PIP4P1: variants seen among roughly 807,000 people sequenced by gnomAD.
The protein encoded by PIP4P1 is phosphatidylinositol-4,5-bisphosphate 4-phosphatase 1.
A neutral mutation model predicts 32.3 loss-of-function variants in PIP4P1; 14 were observed. The ratio of observed to expected loss-of-function variants is 0.43; its 90% confidence interval spans 0.29 to 0.68. The LOEUF is 0.68. Among genes scored for constraint, PIP4P1 ranks in the 30% least tolerant of loss-of-function variants. PIP4P1 has a pLI of 0.15. For synonymous variants in PIP4P1, 132 were observed against 137.9 expected (o/e 0.96, Z 0.30); for missense variants, 289 against 364.5 (o/e 0.79, Z 1.69).
chr14:20,461,390 A>AGCCACCGCCACCGCC lies in PIP4P1; in HGVS notation c.-80_-66dup, dbSNP rs918301612. On this transcript the variant is annotated 5_prime_UTR_variant, in exon 1 of 7. Coordinates refer to ENST00000250489, the MANE Select transcript of PIP4P1 (RefSeq NM_144568.4). ...CTCCCTTCGCCTCTGCCGTCGCCGC[A>AGCCACCGCCACCGCC]GCCACCGCCACCGCCGCCACCGCCA... is the stretch of plus-strand genomic sequence containing the variant. 2.1e-4 allele frequency: 262 copies of AGCCACCGCCACCGCC among 1,233,700 alleles called. No homozygotes were observed. The highest frequency in any genetic ancestry group is 3.9e-4 in the African/African-American group (25 of 64,214). The allele number at this position is 1,233,700 out of a possible 1,614,324, so 76.4% of individuals were successfully genotyped here. A position where few individuals can be genotyped will look rare whatever the true frequency, so the allele number is the denominator to read the frequency against.
rs756112519 is a variant in PIP4P1 at position 20,461,272 on chromosome 14, G to A, written c.54C>T (p.Gly18=). The A allele has an allele frequency of 4.7e-6, 6 of 1,284,518 alleles. No homozygotes were observed. Among genetic ancestry groups the A allele is most frequent in the Non-Finnish European group, 5.9e-6 (6 of 1,012,510 alleles). 79.6% of individuals were successfully genotyped at this position (1,284,518 alleles called of 1,614,324 possible). A position where few individuals can be genotyped will look rare whatever the true frequency, so the allele number is the denominator to read the frequency against. ...GCCCCACTAAACCGTTGCCGCCCGC[G>A]CCACCGTCGATGGGCTCAGACAGCA... ...SPLLSEPIDG[G]AGGNGLVGPG... is the part of the protein sequence containing the mutation. Residue 18 remains glycine, a synonymous_variant, in exon 1 of 7, where the codon GGC becomes GGT. Coordinates refer to ENST00000250489, the MANE Select transcript of PIP4P1 (RefSeq NM_144568.4).
At chr14:20,461,004 C>G (rs1440290130) in intron 1 of PIP4P1, 159 bp from the exon 2 acceptor site, 3 of 1,253,694 alleles carry the variant, frequency 2.4e-6, no homozygotes, top group Middle Eastern at 2.9e-4. Flanking sequence ...CCTTCCGTCC[C>G]TAGGCTGTGG....
rs146270743 is a variant in PIP4P1 at position 20,459,750 on chromosome 14, G to C, written c.441-17C>G. ...ATTCTTTTGCTATACAAAAGAAAAA[G>C]ACTTGTATTTTCAAACTTGTGTTTG... On this transcript the variant is annotated splice_polypyrimidine_tract_variant and intron_variant, in intron 3 of 6. Coordinates refer to ENST00000250489, the MANE Select transcript of PIP4P1 (RefSeq NM_144568.4). 21 of 1,602,576 alleles carry C rather than the reference G, an allele frequency of 1.3e-5. No individual in the cohort carries two copies. Among genetic ancestry groups the C allele is most frequent in the Middle Eastern group, 1.7e-4 (1 of 6,022 alleles).
chr14:20,459,896 G>A (rs1407033847), intron 3 of PIP4P1, 163 bp from the exon 4 acceptor site: 5 of 635,292 alleles, frequency 7.9e-6, no homozygotes, highest in African/African-American at 1.8e-5. Flanking sequence ...ATACCCTCAA[G>A]AATCCTTGAG....
chr14:20,459,404 G>A lies in PIP4P1; in HGVS notation c.583C>T (p.Pro195Ser), dbSNP rs1472067050. ...ATCACTTACACTTTCCTGCAGTGAG[G>A]ACAACGTGCCAAAGTGCGGTCTGTG... is the stretch of plus-strand genomic sequence containing the variant. ...EFTDRTLARC[P>S]HCRKVSSIGR... Residue 195 changes from proline (P) to serine (S), a missense_variant, in exon 5 of 7, where the codon CCT (proline) becomes TCT (serine). Pro to Ser is a moderately conservative substitution (Grantham distance 74). This residue lies in a region of PIP4P1 where 181 missense variants were observed against 263.3 expected (regional missense o/e 0.69). Coordinates refer to ENST00000250489, the MANE Select transcript of PIP4P1 (RefSeq NM_144568.4). The A allele has an allele frequency of 6.2e-7, 1 of 1,614,030 alleles. No individual in the cohort carries two copies. The highest frequency in any genetic ancestry group is 8.5e-7 in the Non-Finnish European group (1 of 1,180,028).
chr14:20,461,019 G>A, intron 1 of PIP4P1, 165 bp downstream of exon 1: 1 of 1,252,252 alleles, frequency 8.0e-7, no homozygotes, highest in South Asian at 2.3e-5. Flanking sequence ...CTGTGGTCGC[G>A]ATTACGGAGG....
chr14:20,457,761 A>G lies in PIP4P1; in HGVS notation c.*798T>C. The G allele has an allele frequency of 1.8e-6, 1 of 547,162 alleles. No individual in the cohort carries two copies. The allele number at this position is 547,162 out of a possible 1,614,324, so 33.9% of individuals were successfully genotyped here. A position where few individuals can be genotyped will look rare whatever the true frequency, so the allele number is the denominator to read the frequency against. ...TATCCACATGAAAATAAAGAGCCAT[A>G]GTTTCAGCCTTGCTGTCTTCGTGTC... On this transcript the variant is annotated 3_prime_UTR_variant, in exon 7 of 7. Transcript: ENST00000250489.
In PIP4P1 at chr14:20,461,370, T is replaced by C; in HGVS notation, c.-45A>G. The C allele has an allele frequency of 8.0e-7, 1 of 1,249,026 alleles. No homozygotes were observed. Among genetic ancestry groups the C allele is most frequent in the Non-Finnish European group, 1.0e-6 (1 of 997,840 alleles). 77.4% of individuals were successfully genotyped at this position (1,249,026 alleles called of 1,614,324 possible). On this transcript the variant is annotated 5_prime_UTR_variant, in exon 1 of 7. Coordinates refer to ENST00000250489, the MANE Select transcript of PIP4P1 (RefSeq NM_144568.4). ...CGCTCAGGTCGGCGATCCGGCTCCC[T>C]TCGCCTCTGCCGTCGCCGCAGCCAC...
At chr14:20,460,039 A>G (rs1881642347) in intron 3 of PIP4P1, 153 bp downstream of exon 3, 2 of 678,076 alleles carry the variant, frequency 2.9e-6, no homozygotes, top group Admixed American at 5.0e-5. Context: ...AGAAACGAGA[A>G]AGACAGCTAT....
rs748660336 is a variant in PIP4P1 at position 20,460,623 on chromosome 14, CAG to C, written c.333+30_333+31del. ...GACATCAGAAAGAGGATCCAGGAAA[CAG>C]GGCCCATTTCATAGATATGTGTAAC... On this transcript the variant is annotated intron_variant, in intron 2 of 6. Transcript: ENST00000250489. 5 of 1,605,544 alleles carry C rather than the reference CAG, an allele frequency of 3.1e-6. No homozygotes were observed. The Admixed American group carries it at 8.4e-5, about 27-fold the overall frequency.
chr14:20,461,039 C>T, intron 1 of PIP4P1, 145 bp downstream of exon 1: 1 of 1,276,864 alleles, frequency 7.8e-7, no homozygotes, highest in Non-Finnish European at 1.0e-6. Context: ...GGAAGGAAGC[C>T]TCGCCCAGTC....
chr14:20,460,775 T>G lies in PIP4P1; in HGVS notation c.213A>C (p.Leu71Phe). The change falls in exon 2 of 7, where the codon TTA (leucine) becomes TTC (phenylalanine). Residue 71 changes from leucine (L) to phenylalanine (F), a missense_variant. Leu to Phe is a conservative substitution (Grantham distance 22). This residue lies in a region of PIP4P1 where 108 missense variants were observed against 101.2 expected (regional missense o/e 1.07). Coordinates refer to ENST00000250489, the MANE Select transcript of PIP4P1 (RefSeq NM_144568.4). ...GGGCACTCCCACTGTCCGGGCTAGT[T>G]AAGGGTGAATAGGGGGGTGGGTCCT... is the stretch of plus-strand genomic sequence containing the variant. ...PGEDPPPYSP[L>F]TSPDSGSAPM... The G allele has an allele frequency of 6.2e-7, 1 of 1,607,558 alleles. No individual in the cohort carries two copies. Among genetic ancestry groups the G allele is most frequent in the Non-Finnish European group, 8.5e-7 (1 of 1,176,876 alleles).
chr14:20,461,262 T>C lies in PIP4P1; in HGVS notation c.64A>G (p.Asn22Asp), dbSNP rs1375292188. ...CTCCCGCCGGGCCCCACTAAACCGT[T>C]GCCGCCCGCGCCACCGTCGATGGGC... ...SEPIDGGAGG[N>D]GLVGPGGSGA... Residue 22 changes from asparagine to aspartate, a missense_variant, in exon 1 of 7, where the codon AAC (asparagine) becomes GAC (aspartate). Around this residue, in one of 2 missense-constraint regions of PIP4P1, gnomAD observed 108 missense variants for 101.2 expected, o/e 1.07. Coordinates refer to ENST00000250489, the MANE Select transcript of PIP4P1 (RefSeq NM_144568.4). 1 of 1,280,316 alleles carries C rather than the reference T, an allele frequency of 7.8e-7. No individual in the cohort carries two copies. 79.3% of individuals were successfully genotyped at this position (1,280,316 alleles called of 1,614,324 possible).
intron 3 of PIP4P1, 72 bp downstream of exon 3, chr14:20,460,120 C>A (rs1267151506): frequency 8.7e-7 from 1 of 1,150,840 alleles, no homozygotes; most frequent in Non-Finnish European, 1.3e-6. Context: ...CCTTTACATT[C>A]TCTGTATACG....
In PIP4P1 at chr14:20,461,266, G is replaced by T; in HGVS notation, c.60C>A (p.Gly20=). ...LLSEPIDGGA[G]GNGLVGPGGS... ...CGCCGGGCCCCACTAAACCGTTGCC[G>T]CCCGCGCCACCGTCGATGGGCTCAG... Residue 20 remains glycine, a synonymous_variant, in exon 1 of 7, where the codon GGC becomes GGA. Transcript: ENST00000250489. 7.8e-7 allele frequency: 1 copy of T among 1,281,982 alleles called. No individual in the cohort carries two copies. 79.4% of individuals were successfully genotyped at this position (1,281,982 alleles called of 1,614,324 possible).
At position 20,460,639 on chromosome 14, in the gene PIP4P1, G is replaced by T; in HGVS notation, c.333+16C>A. The stretch of plus-strand genomic sequence containing the variant: ...TCCAGGAAACAGGGCCCATTTCATA[G>T]ATATGTGTAACTCACGGTGGCTTCA... On this transcript the variant is annotated intron_variant, in intron 2 of 6. Transcript: ENST00000250489. 6.2e-7 allele frequency: 1 copy of T among 1,611,774 alleles called. No individual in the cohort carries two copies. The highest frequency in any genetic ancestry group is 8.5e-7 in the Non-Finnish European group (1 of 1,179,452).
chr14:20,459,945 C>T, intron 3 of PIP4P1: 1 of 613,068 alleles, frequency 1.6e-6, no homozygotes, highest in East Asian at 2.7e-5. Flanking sequence ...TCCCCAATTC[C>T]CCTCCGACCT....
intron 5 of PIP4P1, 34 bp from the exon 6 acceptor site, chr14:20,459,330 A>G: frequency 6.2e-7 from 1 of 1,614,118 alleles, no homozygotes; most frequent in South Asian, 1.1e-5. Context: ...GATGCTTTCT[A>G]TGGCCTTGTA....
intron 3 of PIP4P1, 120 bp from the exon 4 acceptor site, chr14:20,459,853 C>G (rs1881635381): frequency 4.1e-6 from 3 of 730,752 alleles, no homozygotes; most frequent in Non-Finnish European, 7.0e-6. Flanking sequence ...CACTCGACTT[C>G]TCTGTACTTA....
Sources: gnomAD v4.1 joint callset for allele counts on GRCh38, gnomAD v4.1.1 for gene constraint, gnomAD v4.1.1 regional missense constraint, MANE v1.5 for transcripts, NCBI Gene and HGNC (gene_info 2026-07-23, HGNC 2026-07-21) for gene names.